PIK3CB: variants seen among roughly 807,000 people sequenced by gnomAD.
The protein encoded by PIK3CB is phosphatidylinositol 4,5-bisphosphate 3-kinase catalytic subunit beta isoform.
Under a neutral mutation model 136.8 loss-of-function variants are expected in PIK3CB, and 39 were observed. The observed-to-expected ratio is 0.29, with a 90% CI of 0.22 to 0.37. The LOEUF is 0.37. PIK3CB is among the 10% of genes least tolerant of loss of function. The pLI is 1.00. For missense variants in PIK3CB, 868 were observed against 1,275.4 expected, an observed-to-expected ratio of 0.68 and a Z score of 4.87; for synonymous variants, 428 against 436.6, an observed-to-expected ratio of 0.98 and a Z score of 0.25.
intron 19 of PIK3CB, among the ~76,000 whole-genome samples, chr3:138,667,106 G>A (rs2043426791): frequency 2.0e-5 from 3 of 151,804 alleles, no homozygotes; most frequent in Admixed American, 6.6e-5. Context: ...CTACTTGGGG[G>A]GCTGAGGCAG....
At chr3:138,727,174 T>G (rs1259744639) in intron 8 of PIK3CB, among the ~76,000 whole-genome samples, 1 of 151,336 alleles carries the variant, frequency 6.6e-6, no homozygotes, top group African/African-American at 2.4e-5. Context: ...GGAGGCAGAG[T>G]GGTGAGTCAA....
chr3:138,684,950 C>CT (rs2043853149), intron 16 of PIK3CB, 147 bp from the exon 17 acceptor site: 1 of 523,532 alleles, frequency 1.9e-6, no homozygotes, highest in Non-Finnish European at 3.3e-6. Context: ...TAGTGTCTGA[C>CT]TTACGAAAAG....
intron 8 of PIK3CB, among the ~76,000 whole-genome samples, chr3:138,718,666 AAT>A: frequency 6.6e-6 from 1 of 152,250 alleles, no homozygotes; most frequent in East Asian, 1.9e-4. Flanking sequence ...ATGTAAAGTA[AAT>A]ATAAGTGTAC....
Position 138,830,214 on chromosome 3 carries a change from C to A in PIK3CB, c.-122+4481G>T, listed in dbSNP as rs572067036. On this transcript the variant is annotated intron_variant, in intron 1 of 23. Transcript: ENST00000674063. ...ATAATGTGATTTTCTAGTACACCAC[C>A]ACAACCACCCCCTGCCCACCACGGT... is the stretch of plus-strand genomic sequence containing the variant. Among the ~76,000 whole-genome samples, 5 of 152,212 alleles carry A rather than the reference C, an allele frequency of 3.3e-5. No homozygotes were observed. In the South Asian group the frequency reaches 8.3e-4, roughly 25 times the overall value.
intron 19 of PIK3CB, among the ~76,000 whole-genome samples, chr3:138,666,560 A>G (rs1457504168): frequency 6.6e-6 from 1 of 152,094 alleles, no homozygotes; most frequent in Non-Finnish European, 1.5e-5. Flanking sequence ...TTCTTCAGTA[A>G]CTTATATGAG....
intron 1 of PIK3CB, among the ~76,000 whole-genome samples, chr3:138,821,972 C>T (rs1933579667): frequency 6.6e-6 from 1 of 150,384 alleles, no homozygotes; most frequent in Non-Finnish European, 1.5e-5. Flanking sequence ...AGCAACATGG[C>T]AAAATCTTTC....
At position 138,674,556 on chromosome 3, in the gene PIK3CB, G is replaced by A. The variant is rs2043605890; in HGVS notation, c.2504+7411C>T. Among the ~76,000 whole-genome samples the A allele has an allele frequency of 2.0e-5, 3 of 152,136 alleles. No individual in the cohort carries two copies. In the South Asian group the frequency reaches 6.2e-4, roughly 32 times the overall value. ...AATCCTGAAGGGAGAAGGAATCTGA[G>A]TTTCAGAGTTGTAAAATTATTTAAA... On this transcript the variant is annotated intron_variant, in intron 19 of 23. Coordinates refer to ENST00000674063, the MANE Select transcript of PIK3CB (RefSeq NM_006219.3).
chr3:138,834,474 G>A (rs1464770650), intron 1 of PIK3CB, among the ~76,000 whole-genome samples: 2 of 152,160 alleles, frequency 1.3e-5, no homozygotes, highest in African/African-American at 4.8e-5. Context: ...TCACCTTGGA[G>A]AGCCCAGGGC....
At chr3:138,802,546 G>A (rs1248299407) in intron 1 of PIK3CB, among the ~76,000 whole-genome samples, 1 of 102,728 alleles carries the variant, frequency 9.7e-6, no homozygotes, top group African/African-American at 6.0e-5. Flanking sequence ...TAATTTGTGA[G>A]GGGAAAAAAA....
At chr3:138,662,393 A>C (rs2043315513) in intron 21 of PIK3CB, among the ~76,000 whole-genome samples, 1 of 150,640 alleles carries the variant, frequency 6.6e-6, no homozygotes, top group Non-Finnish European at 1.5e-5. Flanking sequence ...TAGTTTACTG[A>C]GAATGATGAT....
chr3:138,828,486 C>T (rs1227428733), intron 1 of PIK3CB, among the ~76,000 whole-genome samples: 1 of 152,040 alleles, frequency 6.6e-6, no homozygotes, highest in Non-Finnish European at 1.5e-5. Context: ...CGCCCAGCCC[C>T]ATTAGTTAAA....
rs186960161 is a variant in PIK3CB at position 138,730,948 on chromosome 3, A to T, written c.1050+2413T>A. ...CTGTCTCTAAATAAATAATTTTTTTAAAAAAAGAATAAAATCCTCAAGGAA... is the reference window on the plus strand; with the variant it reads ...CTGTCTCTAAATAAATAATTTTTTTTAAAAAAGAATAAAATCCTCAAGGAA... On this transcript the variant is annotated intron_variant, in intron 8 of 23. Transcript: ENST00000674063. Among the ~76,000 whole-genome samples, 255 of 152,124 alleles carry T rather than the reference A, an allele frequency of 1.7e-3. 1 individual carries two copies. Among genetic ancestry groups the T allele is most frequent in the African/African-American group, 5.7e-3 (237 of 41,508 alleles).
chr3:138,829,021 C>T (rs1933913648), intron 1 of PIK3CB, among the ~76,000 whole-genome samples: 1 of 147,460 alleles, frequency 6.8e-6, no homozygotes, highest in Non-Finnish European at 1.5e-5. Flanking sequence ...AGGCTGGTCT[C>T]GAACTCCTGA....
rs1298664803 is a variant in PIK3CB, at chr3:138,653,740, AAGC to A, written c.*1646_*1648del. 1 of 187,984 alleles carries A rather than the reference AAGC, an allele frequency of 5.3e-6. No homozygotes were observed. The highest frequency in any genetic ancestry group is 2.3e-5 in the African/African-American group (1 of 42,724). 11.6% of individuals were successfully genotyped at this position (187,984 alleles called of 1,614,324 possible). ...ATCTGCCCCATGAACAAGAGCTCCA[AAGC>A]AGCAGAGTCTGGCCTTGGCTCAGTG... is the stretch of plus-strand genomic sequence containing the variant. On this transcript the variant is annotated 3_prime_UTR_variant, in exon 24 of 24. Coordinates refer to ENST00000674063, the MANE Select transcript of PIK3CB (RefSeq NM_006219.3).
chr3:138,714,092 T>G (rs965262809), intron 9 of PIK3CB, among the ~76,000 whole-genome samples: 7 of 152,200 alleles, frequency 4.6e-5, no homozygotes, highest in African/African-American at 1.7e-4. Context: ...CACAAAATTC[T>G]GAATTCTTAA....
intron 8 of PIK3CB, among the ~76,000 whole-genome samples, chr3:138,720,120 C>G (rs779916284): frequency 6.6e-6 from 1 of 152,102 alleles, no homozygotes; most frequent in Non-Finnish European, 1.5e-5. Context: ...ATGCAGGGTC[C>G]GCATGCCTGA....
chr3:138,810,727 G>T (rs759737106), intron 1 of PIK3CB, among the ~76,000 whole-genome samples: 19 of 151,904 alleles, frequency 1.3e-4, no homozygotes, highest in Non-Finnish European at 2.4e-4. Flanking sequence ...GACCATCCTG[G>T]CTAACACCGT....
At chr3:138,734,545 G>A (rs1217437046) in intron 7 of PIK3CB, 89 bp downstream of exon 7, 13 of 914,706 alleles carry the variant, frequency 1.4e-5, no homozygotes, top group East Asian at 1.0e-4. Flanking sequence ...AGAAGGAGAA[G>A]TGAGCAAAGG....
chr3:138,759,435 A>C, intron 2 of PIK3CB, 76 bp from the exon 3 acceptor site: 3 of 903,894 alleles, frequency 3.3e-6, no homozygotes, highest in Non-Finnish European at 1.7e-6. Context: ...AAGACCACTA[A>C]TCTACAATTA....
Sources: allele counts gnomAD v4.1 joint callset (sites outside exome capture counted in the v4.1 genomes callset), GRCh38; gene constraint gnomAD v4.1.1; transcripts MANE v1.5; gene names NCBI Gene and HGNC (gene_info 2026-07-23, HGNC 2026-07-21).